The following KCNG2 variants were observed in gnomAD, a reference collection of about 807,000 sequenced individuals.
The protein encoded by KCNG2 is voltage-gated potassium channel regulatory subunit KCNG2.
In KCNG2, 7 loss-of-function variants were observed where a neutral mutation model predicts 12.3. The ratio of observed to expected loss-of-function variants is 0.57; its 90% CI spans 0.32 to 1.07. The LOEUF is 1.07. KCNG2 is among the 50% of genes least tolerant of loss of function. The probability of loss-of-function intolerance (pLI) is 0.04; values close to 1 mark genes in which losing one functional copy is unlikely to be tolerated. For synonymous variants in KCNG2, 414 were observed against 351.4 expected (o/e 1.18, Z -1.99); for missense variants, 703 against 726.0 (o/e 0.97, Z 0.36).
At chr18:79,857,082 A>C (rs1473454315) in intron 2 of KCNG2, among the ~76,000 whole-genome samples, 19 of 326 alleles carry the variant, frequency 0.058, no homozygotes, top group Middle Eastern at 0.12. Flanking sequence ...AGCCGCCCCC[A>C]CAGCCCTGTG....
intron 1 of KCNG2, among the ~76,000 whole-genome samples, chr18:79,853,890 G>T (rs1273096618): frequency 1.3e-5 from 2 of 152,236 alleles, no homozygotes; most frequent in Non-Finnish European, 2.9e-5. Context: ...GACCCTGTGG[G>T]CCTCAGGGCC....
chr18:79,811,130 A>C (rs1041862016), intron 1 of KCNG2, among the ~76,000 whole-genome samples: 13 of 152,238 alleles, frequency 8.5e-5, no homozygotes, highest in Admixed American at 6.5e-4. Context: ...AGGAAGACTT[A>C]ACATTGTTAA....
At chr18:79,848,141 C>G (rs1315764340) in intron 1 of KCNG2, among the ~76,000 whole-genome samples, 2 of 152,202 alleles carry the variant, frequency 1.3e-5, no homozygotes, top group Non-Finnish European at 2.9e-5. Flanking sequence ...GGCTCAGCAG[C>G]TGCCAGGGGC....
At chr18:79,847,284 C>T (rs1169270878) in intron 1 of KCNG2, among the ~76,000 whole-genome samples, 2 of 152,186 alleles carry the variant, frequency 1.3e-5, no homozygotes, top group African/African-American at 2.4e-5. Flanking sequence ...CGTTTGGGGT[C>T]GGATAGCTTT....
At chr18:79,856,530 T>G (rs1488888234) in intron 2 of KCNG2, among the ~76,000 whole-genome samples, 78 bp downstream of exon 2, 27 of 152,076 alleles carry the variant, frequency 1.8e-4, no homozygotes, top group African/African-American at 6.3e-4. Context: ...AGAGAGAGGG[T>G]CTTCTTGGTG....
At chr18:79,858,590 G>A (rs925525677) in intron 2 of KCNG2, among the ~76,000 whole-genome samples, 5 of 150,988 alleles carry the variant, frequency 3.3e-5, no homozygotes, top group African/African-American at 1.2e-4. Flanking sequence ...ATCTCGGAGT[G>A]GGGTCACCGG....
intron 3 of KCNG2, among the ~76,000 whole-genome samples, chr18:79,879,360 C>G (rs1261869395): frequency 6.6e-6 from 1 of 152,132 alleles, no homozygotes; most frequent in Non-Finnish European, 1.5e-5. Context: ...GGAAGTGAGG[C>G]ACATTGGGAA....
Position 79,899,117 on chromosome 18 carries a change from G to C in KCNG2, c.702G>C (p.Leu234=), listed in dbSNP as rs1214804793. The change falls in exon 4 of 4, where the codon CTG becomes CTC. Residue 234 remains leucine (L), a synonymous_variant. Coordinates refer to ENST00000316249, the MANE Select transcript of KCNG2 (RefSeq NM_012283.2). The stretch of plus-strand genomic sequence containing the variant: ...TGGCCTGGTTCTCCTTCGAGTTCCT[G>C]CTGCGCTCCCTGCAGGCCGAGAGCA... ...VCVAWFSFEF[L]LRSLQAESKC... 6.2e-7 allele frequency: 1 copy of C among 1,606,242 alleles called. No homozygotes were observed. Among genetic ancestry groups the C allele is most frequent in the Non-Finnish European group, 8.5e-7 (1 of 1,178,762 alleles).
intron 1 of KCNG2, among the ~76,000 whole-genome samples, chr18:79,809,891 C>T (rs2087481466): frequency 6.6e-6 from 1 of 152,256 alleles, no homozygotes; most frequent in South Asian, 2.1e-4. Context: ...TAAAGCTTCT[C>T]CTCCCACTAT....
chr18:79,867,477 G>A lies in KCNG2; in HGVS notation c.624+3186G>A, dbSNP rs546565926. On this transcript the variant is annotated intron_variant, in intron 3 of 3. Coordinates refer to ENST00000316249, the MANE Select transcript of KCNG2 (RefSeq NM_012283.2). ...TTGGGGGGGGGACCGTGAGCCCGGC[G>A]TTGTGTCGTGTCTGGGGGGGGGATC... Among the ~76,000 whole-genome samples the A allele has an allele frequency of 3.1e-3, 238 of 77,072 alleles. 3 individuals carry two copies. Among genetic ancestry groups the A allele is most frequent in the African/African-American group, 9.0e-3 (228 of 25,334 alleles). 50.6% of individuals were successfully genotyped at this position (77,072 alleles called of 152,430 possible).
At chr18:79,850,886 G>A (rs1026517886) in intron 1 of KCNG2, among the ~76,000 whole-genome samples, 10 of 152,216 alleles carry the variant, frequency 6.6e-5, no homozygotes, top group African/African-American at 2.4e-4. Context: ...GCCGGACCAG[G>A]TGGTTCAAGA....
intron 1 of KCNG2, among the ~76,000 whole-genome samples, chr18:79,829,300 GTGTGTGTGTCTGTGTGTACATGTGTC>G (rs1978289743): frequency 6.6e-6 from 1 of 151,546 alleles, no homozygotes; most frequent in Non-Finnish European, 1.5e-5. Context: ...GCATGTATCT[GTGTGTGTGTCTGTGTGTACATGTGTC>G]TGTGTGTGTC....
At chr18:79,837,281 G>A (rs1021344843) in intron 1 of KCNG2, among the ~76,000 whole-genome samples, 5 of 152,224 alleles carry the variant, frequency 3.3e-5, no homozygotes, top group East Asian at 1.9e-4. Flanking sequence ...GGGCTCCCAT[G>A]GCCTTGGGCA....
intron 1 of KCNG2, among the ~76,000 whole-genome samples, chr18:79,833,777 G>T (rs1978308850): frequency 1.3e-5 from 2 of 152,262 alleles, no homozygotes; most frequent in Admixed American, 6.5e-5. Flanking sequence ...GCTGTGATGG[G>T]AAGTGTTGCA....
intron 1 of KCNG2, among the ~76,000 whole-genome samples, chr18:79,851,593 T>G (rs1978818217): frequency 6.7e-6 from 1 of 149,214 alleles, no homozygotes; most frequent in Admixed American, 6.8e-5. Flanking sequence ...CTACGCTGTG[T>G]GTGTGCATGT....
At chr18:79,837,982 CTCAGGAAACTTACAGTCAT>C (rs1333114912) in intron 1 of KCNG2, among the ~76,000 whole-genome samples, 1 of 152,154 alleles carries the variant, frequency 6.6e-6, no homozygotes, top group Non-Finnish European at 1.5e-5. Flanking sequence ...CTGGGGAGGC[CTCAGGAAACTTACAGTCAT>C]GGCAGAAGGT....
Position 79,899,649 on chromosome 18 carries a change from T to C in KCNG2, c.1234T>C (p.Tyr412His). 6.2e-7 allele frequency: 1 copy of C among 1,606,532 alleles called. No individual in the cohort carries two copies. Among genetic ancestry groups the C allele is most frequent in the Non-Finnish European group, 8.5e-7 (1 of 1,177,142 alleles). ...TSIFHTFSRS[Y>H]SELKEQQQRA... ...CATCTTCCACACCTTTTCGCGCTCC[T>C]ACTCCGAGCTCAAGGAGCAGCAGCA... Residue 412 changes from tyrosine (Y) to histidine (H), a missense_variant, in exon 4 of 4, where the codon TAC (tyrosine) becomes CAC (histidine). Coordinates refer to ENST00000316249, the MANE Select transcript of KCNG2 (RefSeq NM_012283.2).
chr18:79,866,293 T>C (rs1979539237), intron 3 of KCNG2, among the ~76,000 whole-genome samples: 1 of 136,708 alleles, frequency 7.3e-6, no homozygotes, highest in Non-Finnish European at 1.5e-5. Context: ...ATGAGAGGTC[T>C]GTGTGCTGAG....
At chr18:79,811,700 T>C (rs1337539404) in intron 1 of KCNG2, among the ~76,000 whole-genome samples, 1 of 152,212 alleles carries the variant, frequency 6.6e-6, no homozygotes, top group African/African-American at 2.4e-5. Flanking sequence ...AACGATGGGT[T>C]TAAAATGCTT....
Sources: allele counts gnomAD v4.1 joint callset (sites outside exome capture counted in the v4.1 genomes callset), GRCh38; gene constraint gnomAD v4.1.1; transcripts MANE v1.5; gene names NCBI Gene and HGNC (gene_info 2026-07-23, HGNC 2026-07-21).